The following DLG2 variants were observed in gnomAD, a reference collection of about 807,000 sequenced individuals.
The protein encoded by DLG2 is disks large homolog 2.
A neutral mutation model predicts 132.5 loss-of-function variants in DLG2; 45 were observed. The ratio of observed to expected loss-of-function variants is 0.34; its 90% confidence interval spans 0.27 to 0.44. The LOEUF (loss-of-function observed/expected upper bound fraction) is 0.44. DLG2 is among the 20% of genes least tolerant of loss of function. DLG2 has a pLI of 1.00. For synonymous variants in DLG2, 424 were observed against 419.6 expected, an observed-to-expected ratio of 1.01 and a Z score of -0.13; for missense variants, 1,045 against 1,196.9, an observed-to-expected ratio of 0.87 and a Z score of 1.87.
chr11:85,087,560 C>T (rs1443223143), intron 6 of DLG2, among the ~76,000 whole-genome samples: 3 of 152,094 alleles, frequency 2.0e-5, no homozygotes, highest in Non-Finnish European at 2.9e-5. Context: ...GATCATGGGC[C>T]GGGCGCGGTG....
intron 8 of DLG2, among the ~76,000 whole-genome samples, chr11:84,172,751 C>T (rs2095853570): frequency 6.6e-6 from 1 of 152,134 alleles, no homozygotes; most frequent in Non-Finnish European, 1.5e-5. Context: ...CCATGTTGGC[C>T]AGGCTGGTCT....
chr11:83,731,749 C>A (rs2091051392), intron 18 of DLG2, among the ~76,000 whole-genome samples: 1 of 152,142 alleles, frequency 6.6e-6, no homozygotes, highest in African/African-American at 2.4e-5. Flanking sequence ...TTGACATTCC[C>A]ACCAACAGTG....
At chr11:84,861,650 A>AAAT in intron 6 of DLG2, among the ~76,000 whole-genome samples, 1 of 145,948 alleles carries the variant, frequency 6.9e-6, no homozygotes, top group Non-Finnish European at 1.5e-5. Context: ...CAAAAAAAAA[A>AAAT]ACCTATCAGA....
At chr11:85,292,662 G>A (rs34533447) in intron 3 of DLG2, among the ~76,000 whole-genome samples, 3,882 of 11,464 alleles carry the variant, frequency 0.34, 357 homozygotes, top group Non-Finnish European at 0.46. Flanking sequence ...GGAAGGGAGG[G>A]AGGGAGGGAG....
chr11:84,421,149 T>A (rs930313183), intron 7 of DLG2, among the ~76,000 whole-genome samples: 2 of 152,172 alleles, frequency 1.3e-5, no homozygotes, highest in Non-Finnish European at 2.9e-5. Flanking sequence ...AGAAGACAGC[T>A]GTCTATGAAC....
chr11:84,434,918 G>GGA (rs2098996012), intron 7 of DLG2, among the ~76,000 whole-genome samples: 1 of 79,262 alleles, frequency 1.3e-5, no homozygotes, highest in African/African-American at 4.0e-5. Context: ...GTCACCTACT[G>GGA]AAAAAAAAAA....
At chr11:85,515,172 C>T (rs1045595134) in intron 3 of DLG2, among the ~76,000 whole-genome samples, 1 of 151,902 alleles carries the variant, frequency 6.6e-6, no homozygotes, top group Non-Finnish European at 1.5e-5. Context: ...GTTTAACTAA[C>T]TAATTTTGAC....
intron 14 of DLG2, among the ~76,000 whole-genome samples, chr11:83,945,667 A>G (rs548493034): frequency 6.6e-6 from 1 of 152,300 alleles, no homozygotes; most frequent in East Asian, 1.9e-4. Flanking sequence ...TATAAAATCT[A>G]AATACTGTTG....
At chr11:83,979,556 G>T (rs2092595731) in intron 12 of DLG2, among the ~76,000 whole-genome samples, 1 of 152,116 alleles carries the variant, frequency 6.6e-6, no homozygotes, top group African/African-American at 2.4e-5. Flanking sequence ...CCTTAATTTT[G>T]CTTTAGGTTA....
At chr11:83,679,290 T>C (rs2078318115) in intron 18 of DLG2, among the ~76,000 whole-genome samples, 1 of 152,218 alleles carries the variant, frequency 6.6e-6, no homozygotes, top group Admixed American at 6.5e-5. Flanking sequence ...GCACAGTGCC[T>C]GGGACATCAT....
chr11:83,634,976 C>CACATATTTAACA (rs1374796322), intron 18 of DLG2, among the ~76,000 whole-genome samples: 4 of 152,118 alleles, frequency 2.6e-5, no homozygotes, highest in African/African-American at 7.2e-5. Context: ...ATAAGTAGAA[C>CACATATTTAACA]ACATATTTAA....
At chr11:84,570,162 C>T (rs1000058824) in intron 6 of DLG2, among the ~76,000 whole-genome samples, 5 of 152,152 alleles carry the variant, frequency 3.3e-5, no homozygotes, top group Non-Finnish European at 7.4e-5. Context: ...CTAGTCCCTA[C>T]ATAACTCTCA....
In DLG2 at chr11:85,579,608, G is replaced by A. The variant is rs1365209831; in HGVS notation, c.40+19049C>T. On this transcript the variant is annotated intron_variant, in intron 3 of 27. Coordinates refer to ENST00000376104, the MANE Select transcript of DLG2 (RefSeq NM_001142699.3). ...GTGCAACTTTACTTGTACCTTGGGTGGAGAGTGAAGGACACAAAAGCATGA... is the reference window on the plus strand; with the variant it reads ...GTGCAACTTTACTTGTACCTTGGGTAGAGAGTGAAGGACACAAAAGCATGA... Among the ~76,000 whole-genome samples, 7 of 152,138 alleles carry A rather than the reference G, an allele frequency of 4.6e-5. No individual in the cohort carries two copies. In the South Asian group the frequency reaches 6.2e-4, roughly 14 times the overall value.
chr11:84,633,263 C>T (rs868220880), intron 6 of DLG2, among the ~76,000 whole-genome samples: 1 of 152,106 alleles, frequency 6.6e-6, no homozygotes, highest in Non-Finnish European at 1.5e-5. Context: ...CCTTTCCTAC[C>T]TTTCCCAACA....
At chr11:84,906,238 T>TG (rs2091491166) in intron 6 of DLG2, among the ~76,000 whole-genome samples, 1 of 122,252 alleles carries the variant, frequency 8.2e-6, no homozygotes, top group South Asian at 3.2e-4. Context: ...TTGGTTTTTT[T>TG]GTTTTTTTTT....
intron 11 of DLG2, among the ~76,000 whole-genome samples, chr11:84,006,625 A>G (rs905647991): frequency 6.6e-6 from 1 of 151,644 alleles, no homozygotes; most frequent in Non-Finnish European, 1.5e-5. Context: ...TGCATGTAAC[A>G]AAATATCACA....
At chr11:84,725,853 T>C (rs1049190892) in intron 6 of DLG2, among the ~76,000 whole-genome samples, 5 of 152,022 alleles carry the variant, frequency 3.3e-5, no homozygotes, top group Non-Finnish European at 5.9e-5. Context: ...ATTTTTTTTT[T>C]AATGAAAGTT....
At chr11:84,314,415 G>A (rs2098333571) in intron 7 of DLG2, among the ~76,000 whole-genome samples, 1 of 152,046 alleles carries the variant, frequency 6.6e-6, no homozygotes. Context: ...ATACATATAG[G>A]TACACACATG....
At chr11:84,231,331 C>G (rs927788450) in intron 8 of DLG2, among the ~76,000 whole-genome samples, 2 of 152,142 alleles carry the variant, frequency 1.3e-5, no homozygotes, top group Non-Finnish European at 2.9e-5. Context: ...TAGCTTACAA[C>G]TTCATTTACA....
Sources: gnomAD v4.1 joint callset for allele counts (sites outside exome capture counted in the v4.1 genomes callset) on GRCh38, gnomAD v4.1.1 for gene constraint, MANE v1.5 for transcripts, NCBI Gene and HGNC (gene_info 2026-07-23, HGNC 2026-07-21) for gene names.